SLC4A5: variants seen among roughly 807,000 people sequenced by gnomAD.
SLC4A5 encodes electrogenic sodium bicarbonate cotransporter 4.
A neutral mutation model predicts 120.4 loss-of-function variants in SLC4A5; 96 were observed. The observed-to-expected ratio is 0.80, with a 90% CI of 0.68 to 0.94. The LOEUF is 0.94. Ranked by LOEUF, SLC4A5 falls within the 40% of genes least tolerant of loss-of-function variation. SLC4A5 has a pLI of 0.00. For missense variants in SLC4A5, 1,259 were observed against 1,459.5 expected (o/e 0.86, Z 2.24); for synonymous variants, 550 against 571.1 (o/e 0.96, Z 0.53).
intron 7 of SLC4A5, among the ~76,000 whole-genome samples, chr2:74,291,963 C>A (rs1672185978): frequency 6.6e-6 from 1 of 151,964 alleles, no homozygotes; most frequent in South Asian, 2.1e-4. Context: ...GCCAAGGATC[C>A]CAAAAAGACC....
At chr2:74,258,537 C>T (rs1671039172) in intron 12 of SLC4A5, among the ~76,000 whole-genome samples, 1 of 152,206 alleles carries the variant, frequency 6.6e-6, no homozygotes, top group Non-Finnish European at 1.5e-5. Context: ...AATAATGTTC[C>T]AGAATACTGA....
rs1415767668 is a variant in SLC4A5 at position 74,255,189 on chromosome 2, C to T, written c.1026-483G>A. Among the ~76,000 whole-genome samples the T allele has an allele frequency of 1.3e-5, 2 of 152,328 alleles. No individual in the cohort carries two copies. Among genetic ancestry groups the T allele is most frequent in the East Asian group, 3.9e-4 (2 of 5,184 alleles). The stretch of plus-strand genomic sequence containing the variant: ...CTTTGGAGGAACATTTCCTCTTCCC[C>T]TCCCATGAGGCTCCCCCTTGAGCAT... On this transcript the variant is annotated intron_variant, in intron 13 of 30. Transcript: ENST00000394019. This position sits in a 1 kb window ranked among gnomAD's most constrained non-coding sequence, Gnocchi z 4.0.
At chr2:74,221,056 G>T (rs531679208) in intron 30 of SLC4A5, among the ~76,000 whole-genome samples, 2 of 152,034 alleles carry the variant, frequency 1.3e-5, no homozygotes, top group Non-Finnish European at 2.9e-5. Context: ...TGTTAGCCAG[G>T]ATGGTCTCGA....
intron 5 of SLC4A5, among the ~76,000 whole-genome samples, chr2:74,324,213 G>T (rs1439650287): frequency 1.3e-5 from 2 of 152,156 alleles, no homozygotes. Flanking sequence ...ACCCTTTAAG[G>T]CAGTGGTTCT....
intron 22 of SLC4A5, among the ~76,000 whole-genome samples, chr2:74,234,882 T>C (rs1670220477): frequency 1.3e-5 from 2 of 152,216 alleles, no homozygotes; most frequent in South Asian, 4.1e-4. Context: ...CCTCACCTCG[T>C]GACTATAGAT....
At chr2:74,228,936 C>T (rs1694953664) in intron 25 of SLC4A5, among the ~76,000 whole-genome samples, 1 of 152,032 alleles carries the variant, frequency 6.6e-6, no homozygotes, top group Non-Finnish European at 1.5e-5. Flanking sequence ...TGTTTCTGCC[C>T]CTTACCTTCT....
At chr2:74,290,362 A>G in intron 7 of SLC4A5, 1 of 985,148 alleles carries the variant, frequency 1.0e-6, no homozygotes, top group Non-Finnish European at 1.2e-6. Context: ...TCTTCACACA[A>G]CAAACTCACT....
intron 3 of SLC4A5, among the ~76,000 whole-genome samples, chr2:74,334,401 G>A (rs1387539209): frequency 6.6e-6 from 1 of 152,140 alleles, no homozygotes; most frequent in African/African-American, 2.4e-5. Context: ...CAGGACCTTT[G>A]CACTTACTGT....
intron 14 of SLC4A5, 129 bp downstream of exon 14, chr2:74,254,481 AATCTTTAGC>A: frequency 2.9e-6 from 2 of 695,520 alleles, no homozygotes; most frequent in Non-Finnish European, 5.1e-6. Flanking sequence ...TGATTCTCAT[AATCTTTAGC>A]ATCCTATGTA....
chr2:74,312,904 C>T (rs1006980338), intron 6 of SLC4A5, among the ~76,000 whole-genome samples: 5 of 152,026 alleles, frequency 3.3e-5, no homozygotes, highest in Non-Finnish European at 7.4e-5. Context: ...TGCACTCCAG[C>T]CTGAGTGACA....
intron 19 of SLC4A5, 44 bp from the exon 20 acceptor site, chr2:74,242,096 G>T: frequency 6.4e-7 from 1 of 1,572,696 alleles, no homozygotes; most frequent in Non-Finnish European, 8.7e-7. Context: ...GCAGCTGTGG[G>T]GCTGGGAGCT....
exon 20 of SLC4A5, chr2:74,242,031 G>T: frequency 6.2e-7 from 1 of 1,607,104 alleles, no homozygotes; most frequent in Non-Finnish European, 8.5e-7. Context: ...TGGGGCTGAA[G>T]CATTGAACAC....
intron 29 of SLC4A5, among the ~76,000 whole-genome samples, chr2:74,222,423 C>T (rs1188732121): frequency 6.6e-6 from 1 of 152,304 alleles, no homozygotes; most frequent in African/African-American, 2.4e-5. Context: ...TCTTTGATCT[C>T]TGCCAAGGAC....
In SLC4A5 at chr2:74,221,180, T is replaced by C. The variant is rs535950152; in HGVS notation, c.*33+254A>G. Among the ~76,000 whole-genome samples, 6 of 152,312 alleles carry C rather than the reference T, an allele frequency of 3.9e-5. No homozygotes were observed. The East Asian group carries it at 1.2e-3, about 29-fold the overall frequency. Reference sequence around the variant, plus strand: ...TTCAATTTTTGTTCTACCTAATCTTTTATAAGAATTTCCTTTACTAAAGTT... The same window carrying C: ...TTCAATTTTTGTTCTACCTAATCTTCTATAAGAATTTCCTTTACTAAAGTT... On this transcript the variant is annotated intron_variant, in intron 30 of 30. Transcript: ENST00000394019.
At chr2:74,233,278 T>G (rs1670155605) in intron 23 of SLC4A5, 124 bp downstream of exon 23, 1 of 1,150,954 alleles carries the variant, frequency 8.7e-7, no homozygotes, top group African/African-American at 1.5e-5. Flanking sequence ...AAGTGGGAAC[T>G]CTAGTCTCTG....
Position 74,226,882 on chromosome 2 carries a change from G to T in SLC4A5, c.3090+75C>A. The T allele has an allele frequency of 2.0e-6, 3 of 1,507,412 alleles. No homozygotes were observed. The South Asian group carries it at 3.7e-5, about 19-fold the overall frequency. The allele number at this position is 1,507,412 out of a possible 1,614,324, so 93.4% of individuals were successfully genotyped here. A position where few individuals can be genotyped will look rare whatever the true frequency, so the allele number is the denominator to read the frequency against. ...ACAGGAAGGCAGAAGGTGGCAGGAG[G>T]GGAGGTTGCGCTGCACCTCTGGGTT... On this transcript the variant is annotated intron_variant, in intron 27 of 30. Coordinates refer to ENST00000394019, the Ensembl canonical transcript of SLC4A5.
chr2:74,301,870 G>A (rs755188753), intron 7 of SLC4A5, among the ~76,000 whole-genome samples: 40 of 152,118 alleles, frequency 2.6e-4, no homozygotes, highest in Non-Finnish European at 3.4e-4. Flanking sequence ...TCCTTAAACC[G>A]GAGTGTCTGG....
At chr2:74,307,162 A>G in intron 6 of SLC4A5, 1 of 560,242 alleles carries the variant, frequency 1.8e-6, no homozygotes, top group Non-Finnish European at 3.3e-6. Context: ...ACCTTGGCAG[A>G]CTGCATGGTG....
At chr2:74,318,992 T>C (rs538798479) in intron 5 of SLC4A5, among the ~76,000 whole-genome samples, 2 of 152,098 alleles carry the variant, frequency 1.3e-5, no homozygotes, top group Non-Finnish European at 2.9e-5. Flanking sequence ...AAATGTAATA[T>C]ATACATTACA....
Sources: allele counts gnomAD v4.1 joint callset (sites outside exome capture counted in the v4.1 genomes callset), GRCh38; gene constraint gnomAD v4.1.1; non-coding constraint Gnocchi (gnomAD v3.1); transcripts MANE v1.5; gene names NCBI Gene and HGNC (gene_info 2026-07-23, HGNC 2026-07-21).